Variants in KDM2B observed in about 807,000 individuals in gnomAD.
KDM2B encodes the protein lysine-specific demethylase 2B.
In KDM2B, 26 loss-of-function variants were observed where a neutral mutation model predicts 150.0. That is an observed-to-expected ratio of 0.17 (90% confidence interval 0.13 to 0.24). The LOEUF (loss-of-function observed/expected upper bound fraction) is 0.24. Ranked by LOEUF, KDM2B falls within the 10% of genes least tolerant of loss-of-function variation. KDM2B has a pLI of 1.00. For synonymous variants in KDM2B, 734 were observed against 729.5 expected (o/e 1.01, Z -0.10); for missense variants, 1,265 against 1,816.9 (o/e 0.70, Z 5.52).
In KDM2B at chr12:121,520,691, G is replaced by T. The variant is rs1886606664; in HGVS notation, c.1047+294C>A. On this transcript the variant is annotated intron_variant, in intron 9 of 22. Coordinates refer to ENST00000377071, the MANE Select transcript of KDM2B (RefSeq NM_032590.5). This position sits in a 1 kb window ranked among gnomAD's most constrained non-coding sequence, Gnocchi z 4.5. ...TCTCCACGTGAGGAGGAAGAGGCAGGTCCCTGAAATCTCACGGTGCTTTCT... is the reference window on the plus strand; with the variant it reads ...TCTCCACGTGAGGAGGAAGAGGCAGTTCCCTGAAATCTCACGGTGCTTTCT... Among the ~76,000 whole-genome samples, 1 of 152,148 alleles carries T rather than the reference G, an allele frequency of 6.6e-6. No individual in the cohort carries two copies. Among genetic ancestry groups the T allele is most frequent in the South Asian group, 2.1e-4 (1 of 4,828 alleles).
At chr12:121,556,889 T>C (rs1889939197) in intron 4 of KDM2B, among the ~76,000 whole-genome samples, 1 of 151,880 alleles carries the variant, frequency 6.6e-6, no homozygotes, top group African/African-American at 2.4e-5. Context: ...GGCATTCCTT[T>C]ATAGCAACAC....
rs1472427556 is a variant in KDM2B, at chr12:121,467,672, C to T, written c.1735-14328G>A. ...CATGGGTGGCTGCACGCCGCCACCGCTGCAACAGGAAATGCGCGCCCGGCC... is the reference window on the plus strand; with the variant it reads ...CATGGGTGGCTGCACGCCGCCACCGTTGCAACAGGAAATGCGCGCCCGGCC... On this transcript the variant is annotated intron_variant, in intron 12 of 22. Coordinates refer to ENST00000377071, the MANE Select transcript of KDM2B (RefSeq NM_032590.5). The surrounding 1 kb of genome is among the most constrained non-coding windows in gnomAD (Gnocchi z 5.1). 6.6e-6 allele frequency: 1 copy of T among 151,836 alleles called. No individual in the cohort carries two copies. Among genetic ancestry groups the T allele is most frequent in the African/African-American group, 2.4e-5 (1 of 41,354 alleles). The allele number at this position is 151,836 out of a possible 1,614,324, so 9.4% of individuals were successfully genotyped here.
At chr12:121,516,938 A>T in intron 9 of KDM2B, 1 of 640,872 alleles carries the variant, frequency 1.6e-6, no homozygotes, top group Non-Finnish European at 2.8e-6. Context: ...AGGGAAGGTA[A>T]ATTATTTGCA....
Position 121,573,549 on chromosome 12 carries a change from A to C in KDM2B, c.397+998T>G, listed in dbSNP as rs1891271902. On this transcript the variant is annotated intron_variant, in intron 4 of 22. Transcript: ENST00000377071. ...CTCAGCCTTCCAAAGTGCTGGGATT[A>C]CAGGCGTGAGCCACCACCCTCGGCC... Among the ~76,000 whole-genome samples, 4 of 151,282 alleles carry C rather than the reference A, an allele frequency of 2.6e-5. No individual in the cohort carries two copies. In the South Asian group the frequency reaches 8.3e-4, roughly 31 times the overall value.
At chr12:121,534,703 G>C (rs1182485985) in intron 6 of KDM2B, 113 bp from the exon 7 acceptor site, 1 of 727,658 alleles carries the variant, frequency 1.4e-6, no homozygotes, top group Non-Finnish European at 2.3e-6. Context: ...CTGACGCTGG[G>C]GAATTTTCTT....
intron 8 of KDM2B, chr12:121,524,760 C>G (rs1555306533): frequency 2.3e-6 from 1 of 433,674 alleles, no homozygotes; most frequent in East Asian, 7.2e-5. Context: ...ACGCTGGCAT[C>G]TGCCTCCTGC....
intron 19 of KDM2B, 123 bp from the exon 20 acceptor site, chr12:121,441,356 C>A (rs1593740325): frequency 3.4e-6 from 3 of 894,792 alleles, no homozygotes; most frequent in East Asian, 5.2e-5. Flanking sequence ...GCGCTCTGGA[C>A]CCTTCTCTAT....
At chr12:121,522,872 G>T (rs1886812933) in intron 8 of KDM2B, among the ~76,000 whole-genome samples, 2 of 152,176 alleles carry the variant, frequency 1.3e-5, no homozygotes. Context: ...AGGAAAGTGA[G>T]GCACAGAAAA....
intron 3 of KDM2B, 46 bp from the exon 4 acceptor site, chr12:121,574,639 C>G (rs782012247): frequency 6.4e-7 from 1 of 1,573,360 alleles, no homozygotes; most frequent in Non-Finnish European, 8.7e-7. Context: ...CCAGAAACAA[C>G]AGAGCTAGAC....
chr12:121,465,396 G>A (rs1385906158), intron 12 of KDM2B, among the ~76,000 whole-genome samples: 2 of 152,120 alleles, frequency 1.3e-5, no homozygotes, highest in Non-Finnish European at 2.9e-5. Context: ...ACCACGCCGG[G>A]CTCACTTTTG....
At chr12:121,446,210 ACG>A (rs1566272908) in intron 13 of KDM2B, among the ~76,000 whole-genome samples, 1 of 152,130 alleles carries the variant, frequency 6.6e-6, no homozygotes, top group African/African-American at 2.4e-5. Context: ...CCCGGCTACC[ACG>A]GTGAAACCCC....
chr12:121,437,154 G>C (rs1403223687), intron 22 of KDM2B, among the ~76,000 whole-genome samples: 3 of 152,194 alleles, frequency 2.0e-5, no homozygotes, highest in Non-Finnish European at 4.4e-5. Flanking sequence ...AACGGAAGGG[G>C]AGGAAAAGAA....
chr12:121,442,282 G>T lies in KDM2B; in HGVS notation c.3159C>A (p.Asp1053Glu), dbSNP rs782498304. 1 of 1,612,250 alleles carries T rather than the reference G, an allele frequency of 6.2e-7. No individual in the cohort carries two copies. Among genetic ancestry groups the T allele is most frequent in the East Asian group, 2.2e-5 (1 of 44,858 alleles). The change falls in exon 19 of 23, where the codon GAC (aspartate) becomes GAA (glutamate). Residue 1053 changes from aspartate (D) to glutamate (E), a missense_variant. Physicochemically the swap from Asp to Glu is conservative, Grantham distance 45. This residue lies in a region of KDM2B where 251 missense variants were observed against 397.8 expected (regional missense o/e 0.63). Transcript: ENST00000377071. The surrounding 1 kb of genome is among the most constrained non-coding windows in gnomAD (Gnocchi z 7.7). Reference protein sequence around the residue: ...IRPPPISPPPDSLPLDDGAAH... With the variant: ...IRPPPISPPPESLPLDDGAAH... ...CTGCCCCATCGTCCAGGGGTAGCGA[G>T]TCAGGCGGGGGGCTGATGGGGGGTG...
intron 22 of KDM2B, among the ~76,000 whole-genome samples, chr12:121,435,568 T>C (rs1265011631): frequency 6.6e-6 from 1 of 152,084 alleles, no homozygotes; most frequent in Non-Finnish European, 1.5e-5. Flanking sequence ...ATGTCCAGAT[T>C]CCTTCCCCAG....
chr12:121,507,451 G>A (rs1184561694), intron 11 of KDM2B, among the ~76,000 whole-genome samples: 1 of 152,240 alleles, frequency 6.6e-6, no homozygotes, highest in Non-Finnish European at 1.5e-5. Context: ...AAGTCATTGA[G>A]ATGCCTCATT....
rs782814606 is a variant in KDM2B, at chr12:121,548,859, C to A, written c.683+18G>T. 5 of 1,602,688 alleles carry A rather than the reference C, an allele frequency of 3.1e-6. No individual in the cohort carries two copies. Among genetic ancestry groups the A allele is most frequent in the Non-Finnish European group, 4.3e-6 (5 of 1,169,594 alleles). ...GGGTCAACCCTGCCAGCTCTGGCCA[C>A]CAGCCAGGCAGTCTTACTTTTTCAC... On this transcript the variant is annotated intron_variant, in intron 6 of 22. Transcript: ENST00000377071.
At chr12:121,516,133 G>A (rs896307000) in intron 9 of KDM2B, among the ~76,000 whole-genome samples, 5 of 152,104 alleles carry the variant, frequency 3.3e-5, no homozygotes, top group African/African-American at 4.8e-5. Context: ...AAAGCAAGCT[G>A]AGGACGGACA....
At chr12:121,424,710 CA>C (rs112812260), downstream of KDM2B, among the ~76,000 whole-genome samples, 272 of 116,472 alleles carry the variant, frequency 2.3e-3, 1 homozygote, top group East Asian at 0.016. Context: ...GACCTTGTCT[CA>C]AAAAAAAAAA....
intron 4 of KDM2B, among the ~76,000 whole-genome samples, chr12:121,567,367 G>T (rs1890778346): frequency 6.6e-6 from 1 of 152,322 alleles, no homozygotes; most frequent in Non-Finnish European, 1.5e-5. Context: ...AAGTGAAAAT[G>T]ACATCTTTAG....
Sources: allele counts gnomAD v4.1 joint callset (sites outside exome capture counted in the v4.1 genomes callset), GRCh38; gene constraint gnomAD v4.1.1; regional missense constraint gnomAD v4.1.1; non-coding constraint Gnocchi (gnomAD v3.1); transcripts MANE v1.5; gene names NCBI Gene and HGNC (gene_info 2026-07-23, HGNC 2026-07-21).